GRIA1: variants seen among roughly 807,000 people sequenced by gnomAD.
GRIA1 encodes glutamate receptor 1.
In GRIA1, 31 loss-of-function variants were observed where a neutral mutation model predicts 99.2. That is an observed-to-expected ratio of 0.31 (90% CI 0.23 to 0.42). The LOEUF (loss-of-function observed/expected upper bound fraction) is 0.42. GRIA1 is among the 10% of genes least tolerant of loss of function. GRIA1 has a pLI of 1.00. For missense variants in GRIA1, 782 were observed against 1,157.5 expected (o/e 0.68, Z 4.71); for synonymous variants, 438 against 432.4 (o/e 1.01, Z -0.16).
chr5:153,662,556 G>A (rs1171908388), intron 5 of GRIA1, among the ~76,000 whole-genome samples: 1 of 152,180 alleles, frequency 6.6e-6, no homozygotes, highest in African/African-American at 2.4e-5. Flanking sequence ...GTCATGTAGA[G>A]TGTGCCCTCC....
chr5:153,547,787 G>A (rs1357344108), intron 2 of GRIA1, among the ~76,000 whole-genome samples: 2 of 152,124 alleles, frequency 1.3e-5, no homozygotes, highest in African/African-American at 4.8e-5. Flanking sequence ...TAATTAGCTG[G>A]AAGGATGTTA....
intron 11 of GRIA1, among the ~76,000 whole-genome samples, chr5:153,739,949 A>G (rs376087408): frequency 6.6e-6 from 1 of 152,364 alleles, no homozygotes; most frequent in Non-Finnish European, 1.5e-5. Flanking sequence ...AGCCATTTCC[A>G]TTATGATTTA....
Position 153,800,240 on chromosome 5 carries a change from A to C in GRIA1, c.2386-2116A>C, listed in dbSNP as rs558785978. Among the ~76,000 whole-genome samples, 67 of 152,246 alleles carry C rather than the reference A, an allele frequency of 4.4e-4. 1 individual carries two copies. Among genetic ancestry groups the C allele is most frequent in the Admixed American group, 3.3e-4 (5 of 15,296 alleles). ...CTCTTTACTAAGGTTTGAGCTGATA[A>C]TACATGCCTCCTAACCCCACCCCTA... On this transcript the variant is annotated intron_variant, in intron 14 of 15. Transcript: ENST00000285900.
intron 2 of GRIA1, among the ~76,000 whole-genome samples, chr5:153,588,794 A>G (rs373530504): frequency 6.6e-6 from 1 of 152,160 alleles, no homozygotes; most frequent in South Asian, 2.1e-4. Context: ...CTAGCTAGTT[A>G]GGCACTATTT....
intron 2 of GRIA1, among the ~76,000 whole-genome samples, chr5:153,580,171 C>T (rs968481118): frequency 1.3e-5 from 2 of 152,102 alleles, no homozygotes; most frequent in African/African-American, 2.4e-5. Context: ...TCAAGGTGGT[C>T]CCCTCTGAGG....
chr5:153,697,861 G>A (rs973829671), intron 8 of GRIA1, among the ~76,000 whole-genome samples, 183 bp from the exon 9 acceptor site: 1 of 152,156 alleles, frequency 6.6e-6, no homozygotes, highest in Non-Finnish European at 1.5e-5. Flanking sequence ...GAGCAAAATT[G>A]GGGGCACCTG....
intron 2 of GRIA1, among the ~76,000 whole-genome samples, chr5:153,622,311 G>T (rs1469915286): frequency 1.3e-5 from 2 of 152,162 alleles, no homozygotes; most frequent in Non-Finnish European, 1.5e-5. Context: ...AAATCGTGGG[G>T]CCCCAGTAAT....
At chr5:153,536,463 G>A (rs10037684) in intron 2 of GRIA1, among the ~76,000 whole-genome samples, 2 of 151,998 alleles carry the variant, frequency 1.3e-5, no homozygotes, top group African/African-American at 4.8e-5. Flanking sequence ...TGGGGGAAAG[G>A]GCCTTATTGT....
chr5:153,660,937 G>A (rs1755325890), intron 5 of GRIA1, among the ~76,000 whole-genome samples: 1 of 152,126 alleles, frequency 6.6e-6, no homozygotes, highest in Admixed American at 6.5e-5. Context: ...AGGTCTTATC[G>A]GGGTACTTGG....
chr5:153,607,209 T>G (rs1581318258), intron 2 of GRIA1, among the ~76,000 whole-genome samples: 1 of 151,762 alleles, frequency 6.6e-6, no homozygotes, highest in East Asian at 1.9e-4. Context: ...CTGGGTAGAT[T>G]TATAATCTCA....
At chr5:153,648,468 C>T (rs972411869) in intron 3 of GRIA1, among the ~76,000 whole-genome samples, 5 of 152,100 alleles carry the variant, frequency 3.3e-5, no homozygotes, top group African/African-American at 7.2e-5. Flanking sequence ...AGAGCCCTGC[C>T]GTTTGTCAGC....
chr5:153,535,726 T>G (rs1758506243), intron 2 of GRIA1, among the ~76,000 whole-genome samples: 1 of 152,222 alleles, frequency 6.6e-6, no homozygotes, highest in South Asian at 2.1e-4. Flanking sequence ...AGTACAATTT[T>G]CACCTCCACC....
chr5:153,734,991 T>C (rs1445350867), intron 11 of GRIA1, among the ~76,000 whole-genome samples: 1 of 152,140 alleles, frequency 6.6e-6, no homozygotes, highest in Non-Finnish European at 1.5e-5. Context: ...AGGAGACATT[T>C]TTGGATGCCA....
chr5:153,669,561 A>G (rs761673191), intron 5 of GRIA1, among the ~76,000 whole-genome samples: 1 of 152,202 alleles, frequency 6.6e-6, no homozygotes, highest in Non-Finnish European at 1.5e-5. Context: ...TGACTAATGG[A>G]TGATATCTAA....
intron 14 of GRIA1, among the ~76,000 whole-genome samples, 189 bp from the exon 15 acceptor site, chr5:153,802,167 C>T (rs1226604930): frequency 6.6e-6 from 1 of 152,106 alleles, no homozygotes; most frequent in Non-Finnish European, 1.5e-5. Context: ...CATATACACA[C>T]ACACTTTTTT....
chr5:153,512,123 A>G (rs1756148397), intron 2 of GRIA1, among the ~76,000 whole-genome samples: 1 of 152,178 alleles, frequency 6.6e-6, no homozygotes, highest in Non-Finnish European at 1.5e-5. Flanking sequence ...GGAGATGCTG[A>G]GATTCAGTGT....
chr5:153,739,141 C>T (rs1358303483), intron 11 of GRIA1, among the ~76,000 whole-genome samples: 1 of 151,862 alleles, frequency 6.6e-6, no homozygotes, highest in Admixed American at 6.6e-5. Context: ...TACCACCTTG[C>T]TGCTGCAAAC....
intron 2 of GRIA1, among the ~76,000 whole-genome samples, chr5:153,643,124 A>C (rs983221565): frequency 6.6e-6 from 1 of 152,202 alleles, no homozygotes; most frequent in African/African-American, 2.4e-5. Context: ...TTACCTGCTT[A>C]CTGGATTTGA....
chr5:153,592,954 C>T (rs1395524931), intron 2 of GRIA1, among the ~76,000 whole-genome samples: 2 of 152,126 alleles, frequency 1.3e-5, no homozygotes, highest in African/African-American at 4.8e-5. Flanking sequence ...TGGGGCTCCA[C>T]CCTCGTGACC....
Sources: allele counts gnomAD v4.1 joint callset (sites outside exome capture counted in the v4.1 genomes callset), GRCh38; gene constraint gnomAD v4.1.1; transcripts MANE v1.5; gene names NCBI Gene and HGNC (gene_info 2026-07-23, HGNC 2026-07-21).